The following HAO1 variants were observed in gnomAD, a reference collection of about 807,000 sequenced individuals.
The protein encoded by HAO1 is 2-Hydroxyacid oxidase 1.
A neutral mutation model predicts 39.7 loss-of-function variants in HAO1; 34 were observed. That is an observed-to-expected ratio of 0.86 (90% CI 0.65 to 1.14). HAO1 has a LOEUF of 1.14. HAO1 is among the 50% of genes most tolerant of loss of function. The pLI, the probability that HAO1 is intolerant of heterozygous loss-of-function variation, is 0.00. For missense variants in HAO1, 479 were observed against 464.5 expected, an observed-to-expected ratio of 1.03 and a Z score of -0.29; for synonymous variants, 172 against 173.2, an observed-to-expected ratio of 0.99 and a Z score of 0.05.
At chr20:7,885,361 C>A (rs2050145805) in intron 7 of HAO1, 160 bp downstream of exon 7, 3 of 623,000 alleles carry the variant, frequency 4.8e-6, no homozygotes, top group African/African-American at 3.7e-5. Flanking sequence ...AGAGACTGCA[C>A]ATGCAGAGTT....
chr20:7,904,005 T>A lies in HAO1; in HGVS notation c.721+2149A>T, dbSNP rs1013786218. ...ATCTAATTCAATTGATTTGCACATA[T>A]CTTAAGGAATAAAGTTGTAGAAAAT... On this transcript the variant is annotated intron_variant, in intron 4 of 7. Coordinates refer to ENST00000378789, the MANE Select transcript of HAO1 (RefSeq NM_017545.3). Among the ~76,000 whole-genome samples, 5 of 152,236 alleles carry A rather than the reference T, an allele frequency of 3.3e-5. No individual in the cohort carries two copies. The East Asian group carries it at 5.8e-4, about 18-fold the overall frequency.
Position 7,885,739 on chromosome 20 carries a change from C to G in HAO1, c.939G>C (p.Val313=). Residue 313 remains valine, a synonymous_variant, in exon 6 of 8, where the codon GTG becomes GTC. Coordinates refer to ENST00000378789, the MANE Select transcript of HAO1 (RefSeq NM_017545.3). ...ALALGAKAVF[V]GRPIVWGLAF... is the part of the protein sequence containing the mutation. ...CTAAGCCCCAAACGATTGGTCTCCC[C>G]ACAAACACAGCCTTGGCGCCAAGAG... The G allele has an allele frequency of 6.2e-7, 1 of 1,613,800 alleles. No homozygotes were observed. Among genetic ancestry groups the G allele is most frequent in the Admixed American group, 1.7e-5 (1 of 60,018 alleles).
chr20:7,885,363 T>G, intron 7 of HAO1, 158 bp downstream of exon 7: 1 of 625,286 alleles, frequency 1.6e-6, no homozygotes, highest in Non-Finnish European at 2.9e-6. Flanking sequence ...AGACTGCACA[T>G]GCAGAGTTCC....
rs143531870 is a variant in HAO1 at position 7,900,467 on chromosome 20, C to T, written c.722-5243G>A. ...AACAGCACGTGCTCAATTGGTATCC[C>T]TGTGTCACAGTTTGGTCATTCTCAC... On this transcript the variant is annotated intron_variant, in intron 4 of 7. Coordinates refer to ENST00000378789, the MANE Select transcript of HAO1 (RefSeq NM_017545.3). 7.1e-3 allele frequency among the ~76,000 whole-genome samples: 1,079 copies of T among 152,248 alleles called. 16 individuals carry two copies. Among genetic ancestry groups the T allele is most frequent in the African/African-American group, 0.025 (1,028 of 41,530 alleles).
chr20:7,918,651 C>T (rs1164918546), intron 2 of HAO1, among the ~76,000 whole-genome samples: 1 of 152,162 alleles, frequency 6.6e-6, no homozygotes, highest in East Asian at 1.9e-4. Flanking sequence ...CGCTAGAGAC[C>T]AGCAGCTGAG....
chr20:7,913,465 G>A (rs1477983947), intron 3 of HAO1, among the ~76,000 whole-genome samples: 1 of 152,178 alleles, frequency 6.6e-6, no homozygotes, highest in Non-Finnish European at 1.5e-5. Flanking sequence ...AAGGAGGTTT[G>A]AGTCTTTCCC....
chr20:7,934,842 G>A (rs375652771), intron 1 of HAO1, among the ~76,000 whole-genome samples: 3 of 152,260 alleles, frequency 2.0e-5, no homozygotes, highest in South Asian at 2.1e-4. Flanking sequence ...AATTTCCCAA[G>A]CAATTATTTA....
intron 7 of HAO1, 127 bp downstream of exon 7, chr20:7,885,394 T>C (rs2050145898): frequency 1.5e-6 from 1 of 665,340 alleles, no homozygotes. Flanking sequence ...AAATATGGAG[T>C]CAACGTCAAA....
intron 5 of HAO1, 129 bp downstream of exon 5, chr20:7,895,004 A>T: frequency 1.5e-6 from 1 of 660,616 alleles, no homozygotes; most frequent in Non-Finnish European, 2.7e-6. Flanking sequence ...AAGATCTCAC[A>T]TATTTGCACG....
rs780633993 is a variant in HAO1, at chr20:7,895,159, G to T, written c.787C>A (p.Arg263=). 2 of 1,611,988 alleles carry T rather than the reference G, an allele frequency of 1.2e-6. No homozygotes were observed. The highest frequency in any genetic ancestry group is 1.7e-6 in the Non-Finnish European group (2 of 1,178,402). The change falls in exon 5 of 8, where the codon CGA becomes AGA. Residue 263 remains arginine (R), a synonymous_variant. Transcript: ENST00000378789. ...NGILVSNHGA[R]QLDGVPATID... Reference sequence around the variant, plus strand: ...GTGGCTGGCACCCCATCGAGTTGTCGAGCCCCATGATTCGACACCAAGATC... The same window carrying T: ...GTGGCTGGCACCCCATCGAGTTGTCTAGCCCCATGATTCGACACCAAGATC...
At chr20:7,934,107 T>G (rs1043409893) in intron 2 of HAO1, among the ~76,000 whole-genome samples, 6 of 152,172 alleles carry the variant, frequency 3.9e-5, no homozygotes, top group Admixed American at 3.9e-4. Context: ...AGTCTACCTG[T>G]CAGAGATCCA....
chr20:7,894,332 A>G (rs1486888398), intron 5 of HAO1, among the ~76,000 whole-genome samples: 1 of 152,080 alleles, frequency 6.6e-6, no homozygotes, highest in Non-Finnish European at 1.5e-5. Context: ...TCAGTCCCAC[A>G]CCTTTCAGGA....
chr20:7,909,912 G>A (rs892957464), intron 3 of HAO1, among the ~76,000 whole-genome samples: 3 of 152,210 alleles, frequency 2.0e-5, no homozygotes, highest in Middle Eastern at 3.4e-3. Flanking sequence ...TTAATTCTGT[G>A]GTTCGGAAAA....
At chr20:7,901,697 T>G (rs545423583) in intron 4 of HAO1, among the ~76,000 whole-genome samples, 7 of 152,342 alleles carry the variant, frequency 4.6e-5, no homozygotes, top group South Asian at 4.1e-4. Context: ...TCAAGTCTTA[T>G]TAGTTAAGAA....
At chr20:7,919,385 A>C (rs2050321005) in intron 2 of HAO1, among the ~76,000 whole-genome samples, 1 of 152,066 alleles carries the variant, frequency 6.6e-6, no homozygotes, top group African/African-American at 2.4e-5. Context: ...TTCTTTAATT[A>C]AACAGTGATA....
chr20:7,937,947 T>A (rs973574199), intron 1 of HAO1, among the ~76,000 whole-genome samples: 2 of 152,160 alleles, frequency 1.3e-5, no homozygotes, highest in African/African-American at 4.8e-5. Context: ...ACATGAGTGG[T>A]CCATGTCCCC....
At chr20:7,914,854 C>T (rs1279871302) in intron 2 of HAO1, among the ~76,000 whole-genome samples, 1 of 152,168 alleles carries the variant, frequency 6.6e-6, no homozygotes, top group Non-Finnish European at 1.5e-5. Context: ...CACAGTGGCT[C>T]ACGCCTGTAA....
rs75901457 is a variant in HAO1, at chr20:7,889,451, A to G, written c.814-3587T>C. On this transcript the variant is annotated intron_variant, in intron 5 of 7. Transcript: ENST00000378789. ...CTAGTGCTATGTATTTTAGAAACCA[A>G]TTTGATTCCATCCTATTATTCTCTA... Among the ~76,000 whole-genome samples the G allele has an allele frequency of 6.1e-3, 924 of 152,330 alleles. 40 individuals carry two copies. In the East Asian group the frequency reaches 0.1, roughly 17 times the overall value.
intron 1 of HAO1, among the ~76,000 whole-genome samples, chr20:7,937,034 C>T (rs531110388): frequency 6.6e-6 from 1 of 152,070 alleles, no homozygotes; most frequent in East Asian, 1.9e-4. Context: ...ACAGTTGAAC[C>T]AATTGAATAA....
Sources: allele counts gnomAD v4.1 joint callset (sites outside exome capture counted in the v4.1 genomes callset), GRCh38; gene constraint gnomAD v4.1.1; transcripts MANE v1.5; gene names NCBI Gene and HGNC (gene_info 2026-07-23, HGNC 2026-07-21).